The following POU2F1 variants were observed in gnomAD, a reference collection of about 807,000 sequenced individuals.
POU2F1 encodes the protein POU domain, class 2, transcription factor 1.
Under a neutral mutation model 84.9 loss-of-function variants are expected in POU2F1, and 16 were observed. The observed-to-expected ratio is 0.19, with a 90% CI of 0.13 to 0.29. POU2F1 has a LOEUF of 0.29. Among genes scored for constraint, POU2F1 ranks in the 10% least tolerant of loss-of-function variants. POU2F1 has a pLI of 1.00. For synonymous variants in POU2F1, 368 were observed against 368.3 expected (o/e 1.00, Z 0.01); for missense variants, 738 against 942.6 (o/e 0.78, Z 2.84).
chr1:167,350,727 G>A (rs187585811), intron 2 of POU2F1, among the ~76,000 whole-genome samples: 27 of 151,500 alleles, frequency 1.8e-4, no homozygotes, highest in Admixed American at 1.5e-3. Flanking sequence ...GGCTGGGCAC[G>A]GTGGCTCATG....
At chr1:167,313,398 AAG>A (rs1223307575) in intron 1 of POU2F1, among the ~76,000 whole-genome samples, 3 of 152,224 alleles carry the variant, frequency 2.0e-5, no homozygotes, top group Non-Finnish European at 4.4e-5. Context: ...ATAAAATAAG[AAG>A]AGTCAGTTAC....
At chr1:167,223,969 G>A (rs1307992205) in intron 1 of POU2F1, among the ~76,000 whole-genome samples, 1 of 152,150 alleles carries the variant, frequency 6.6e-6, no homozygotes, top group African/African-American at 2.4e-5. Flanking sequence ...CCTTCTCATA[G>A]GGAAACCATT....
At chr1:167,235,208 G>A (rs1383142092) in intron 1 of POU2F1, among the ~76,000 whole-genome samples, 1 of 152,000 alleles carries the variant, frequency 6.6e-6, no homozygotes, top group African/African-American at 2.4e-5. Flanking sequence ...ACACTACATT[G>A]CTAAGTCCCC....
chr1:167,342,067 G>T (rs974482557), intron 2 of POU2F1, among the ~76,000 whole-genome samples: 1 of 152,070 alleles, frequency 6.6e-6, no homozygotes, highest in South Asian at 2.1e-4. Flanking sequence ...GGGTCTGGGG[G>T]TTATATGGAG....
At position 167,419,322 on chromosome 1, in the gene POU2F1, T is replaced by A. The variant is rs530335729; in HGVS notation, c.*3512T>A. The A allele has an allele frequency of 4.6e-5, 7 of 151,998 alleles. No homozygotes were observed. The highest frequency in any genetic ancestry group is 8.8e-5 in the Non-Finnish European group (6 of 68,036). The allele number at this position is 151,998 out of a possible 1,614,324, so 9.4% of individuals were successfully genotyped here. A position where few individuals can be genotyped will look rare whatever the true frequency, so the allele number is the denominator to read the frequency against. On this transcript the variant is annotated 3_prime_UTR_variant, in exon 16 of 16. Transcript: ENST00000367866. ...AGGTCATCACAATTCATTGTATTAT[T>A]CTTTTTTTTTCCCCTTAATGTTTAT...
intron 1 of POU2F1, among the ~76,000 whole-genome samples, chr1:167,225,199 T>C (rs7414002): frequency 0.91 from 138,416 of 152,222 alleles, 63,889 homozygotes; most frequent in East Asian, 1. Context: ...TGAAAATTCA[T>C]GTGACAGCTG....
intron 2 of POU2F1, among the ~76,000 whole-genome samples, chr1:167,334,308 C>T (rs1277465763): frequency 6.6e-6 from 1 of 151,900 alleles, no homozygotes; most frequent in Admixed American, 6.6e-5. Context: ...TTGCAGGTGC[C>T]AGCCACCATG....
At position 167,247,042 on chromosome 1, in the gene POU2F1, GT is replaced by G. The variant is rs1272455788; in HGVS notation, c.61+26085del. ...AGTAAATCAGGTTATATATATATGTGTGTGTGTGTGTGTGTGTGTGTGTGTG... is the reference window on the plus strand; with the variant it reads ...AGTAAATCAGGTTATATATATATGTGGTGTGTGTGTGTGTGTGTGTGTGTG... On this transcript the variant is annotated intron_variant, in intron 1 of 15. Transcript: ENST00000367866. 1.3e-3 allele frequency among the ~76,000 whole-genome samples: 27 copies of G among 21,300 alleles called. No individual in the cohort carries two copies. In the South Asian group the frequency reaches 0.049, roughly 39 times the overall value. 14.0% of individuals were successfully genotyped at this position (21,300 alleles called of 152,430 possible). A position where few individuals can be genotyped will look rare whatever the true frequency, so the allele number is the denominator to read the frequency against.
chr1:167,279,804 G>T (rs1200747341), intron 1 of POU2F1, among the ~76,000 whole-genome samples: 1 of 152,144 alleles, frequency 6.6e-6, no homozygotes, highest in Non-Finnish European at 1.5e-5. Flanking sequence ...TTCTGGAAGG[G>T]TTAGCAAGCA....
At chr1:167,255,825 A>G (rs1341694617) in intron 1 of POU2F1, among the ~76,000 whole-genome samples, 1 of 152,222 alleles carries the variant, frequency 6.6e-6, no homozygotes, top group East Asian at 1.9e-4. Flanking sequence ...TGATGTGCCA[A>G]ACATCAAGGT....
At chr1:167,386,513 A>G (rs755071768) in intron 8 of POU2F1, among the ~76,000 whole-genome samples, 4 of 152,210 alleles carry the variant, frequency 2.6e-5, no homozygotes, top group South Asian at 2.1e-4. Flanking sequence ...TTAAATGTGC[A>G]TGTACCTTGT....
At chr1:167,320,648 G>A (rs1249879540) in intron 1 of POU2F1, among the ~76,000 whole-genome samples, 3 of 152,128 alleles carry the variant, frequency 2.0e-5, no homozygotes, top group South Asian at 2.1e-4. Flanking sequence ...GTCAAAGTCC[G>A]TGAATTAGTT....
intron 1 of POU2F1, among the ~76,000 whole-genome samples, chr1:167,281,067 G>A (rs890450367): frequency 6.6e-6 from 1 of 152,208 alleles, no homozygotes; most frequent in Non-Finnish European, 1.5e-5. Flanking sequence ...CATCCCCATA[G>A]GAAGAGGGTG....
rs1054714122 is a variant in POU2F1 at position 167,416,844 on chromosome 1, C to T, written c.*1034C>T. ...GGGAACAGCTGTACATGTTGCAGGG[C>T]AGGATTTGGTTCCCAAGAGCAAAGA... On this transcript the variant is annotated 3_prime_UTR_variant, in exon 16 of 16. Transcript: ENST00000367866. 2 of 152,220 alleles carry T rather than the reference C, an allele frequency of 1.3e-5. No homozygotes were observed. The highest frequency in any genetic ancestry group is 4.8e-5 in the African/African-American group (2 of 41,448). The allele number at this position is 152,220 out of a possible 1,614,324, so 9.4% of individuals were successfully genotyped here.
intron 1 of POU2F1, among the ~76,000 whole-genome samples, chr1:167,282,808 A>G (rs1426599361): frequency 6.6e-6 from 1 of 152,154 alleles, no homozygotes; most frequent in Admixed American, 6.5e-5. Context: ...TTCCTAGCAA[A>G]TGGGGTTAAA....
Position 167,280,194 on chromosome 1 carries a change from A to AGG in POU2F1, c.62-52276_62-52275insGG, listed in dbSNP as rs1653025881. ...CAGAGTGATACTCTGTCTCGGGGAA[A>AGG]AAAAAAAAAAACTTATTGTAAATGT... On this transcript the variant is annotated intron_variant, in intron 1 of 15. Coordinates refer to ENST00000367866, the MANE Select transcript of POU2F1 (RefSeq NM_002697.4). 4.0e-5 allele frequency among the ~76,000 whole-genome samples: 6 copies of AGG among 151,754 alleles called. No individual in the cohort carries two copies. In the South Asian group the frequency reaches 8.3e-4, roughly 21 times the overall value.
intron 1 of POU2F1, among the ~76,000 whole-genome samples, chr1:167,273,794 G>A (rs1423745702): frequency 6.6e-6 from 1 of 152,252 alleles, no homozygotes; most frequent in Non-Finnish European, 1.5e-5. Context: ...ACTTGAACTT[G>A]TGGTCTTTCC....
intron 15 of POU2F1, among the ~76,000 whole-genome samples, chr1:167,413,678 C>T (rs1342792190): frequency 6.6e-6 from 1 of 152,116 alleles, no homozygotes; most frequent in Non-Finnish European, 1.5e-5. Flanking sequence ...TGTCTCTTTT[C>T]CAAGCTCAGC....
At chr1:167,369,450 C>T (rs1280692875) in intron 3 of POU2F1, among the ~76,000 whole-genome samples, 1 of 152,170 alleles carries the variant, frequency 6.6e-6, no homozygotes, top group African/African-American at 2.4e-5. Context: ...AGATTTCTCA[C>T]CCATTAGTTA....
Sources: gnomAD v4.1 joint callset for allele counts (sites outside exome capture counted in the v4.1 genomes callset) on GRCh38, gnomAD v4.1.1 for gene constraint, MANE v1.5 for transcripts, NCBI Gene and HGNC (gene_info 2026-07-23, HGNC 2026-07-21) for gene names.